Variants in KSR1 observed in about 807,000 individuals in gnomAD.
KSR1 encodes kinase suppressor of ras.
In KSR1, 35 loss-of-function variants were observed where a neutral mutation model predicts 92.9. The observed-to-expected ratio is 0.38, with a 90% CI of 0.29 to 0.50. The LOEUF (loss-of-function observed/expected upper bound fraction) is 0.50. Among genes scored for constraint, KSR1 ranks in the 20% least tolerant of loss-of-function variants. KSR1 has a pLI of 0.94. For synonymous variants in KSR1, 467 were observed against 472.6 expected (o/e 0.99, Z 0.15); for missense variants, 972 against 1,158.5 (o/e 0.84, Z 2.34).
intron 1 of KSR1, among the ~76,000 whole-genome samples, chr17:27,531,665 A>G (rs2070544703): frequency 6.6e-6 from 1 of 152,164 alleles, no homozygotes; most frequent in African/African-American, 2.4e-5. Flanking sequence ...AGCTCCAGAG[A>G]GCACTTCAGC....
intron 1 of KSR1, among the ~76,000 whole-genome samples, chr17:27,463,644 T>C (rs2019551907): frequency 6.6e-6 from 1 of 152,142 alleles, no homozygotes; most frequent in Admixed American, 6.5e-5. Flanking sequence ...CCCCCTGGGC[T>C]GACCAATTAG....
intron 15 of KSR1, among the ~76,000 whole-genome samples, chr17:27,608,311 G>A (rs190773171): frequency 2.4e-4 from 36 of 152,306 alleles, no homozygotes; most frequent in African/African-American, 7.7e-4. Context: ...ACCTTGGGTA[G>A]GTTTAGCCTC....
intron 11 of KSR1, chr17:27,601,992 T>C: frequency 6.6e-7 from 1 of 1,516,910 alleles, no homozygotes; most frequent in Non-Finnish European, 9.0e-7. Context: ...TCTGCAAAAG[T>C]TGTTTTCTAC....
chr17:27,493,420 A>C (rs1035929468), intron 1 of KSR1, among the ~76,000 whole-genome samples: 8 of 152,182 alleles, frequency 5.3e-5, no homozygotes, highest in Admixed American at 5.2e-4. Context: ...TGAATTCTTT[A>C]ACAGGGCAGA....
intron 1 of KSR1, among the ~76,000 whole-genome samples, chr17:27,461,585 C>A (rs2019438403): frequency 6.6e-6 from 1 of 152,352 alleles, no homozygotes; most frequent in African/African-American, 2.4e-5. Context: ...GGGGCTCTGG[C>A]CCTTTTTTGT....
chr17:27,532,236 A>G (rs1249842940), intron 1 of KSR1, among the ~76,000 whole-genome samples: 1 of 152,186 alleles, frequency 6.6e-6, no homozygotes, highest in Non-Finnish European at 1.5e-5. Context: ...GATGGGGCCA[A>G]TTGCAAAGGT....
intron 1 of KSR1, among the ~76,000 whole-genome samples, chr17:27,490,847 G>C (rs1397177170): frequency 6.6e-6 from 1 of 152,124 alleles, no homozygotes; most frequent in African/African-American, 2.4e-5. Context: ...TAAGTACAAG[G>C]TTGTTCATTG....
chr17:27,590,967 C>T (rs2073148111), intron 7 of KSR1, 73 bp downstream of exon 7: 1 of 1,289,366 alleles, frequency 7.8e-7, no homozygotes, highest in African/African-American at 1.5e-5. Flanking sequence ...CTTCCCTATG[C>T]TTGCTATTCA....
rs967820922 is a variant in KSR1 at position 27,620,926 on chromosome 17, T to C, written c.2628-267T>C. ...CCCTTCGAGGAAAGCATGCGGGCTT[T>C]CCTTTCCTGAATGAGTCTGTGTCAA... On this transcript the variant is annotated intron_variant, in intron 19 of 20. Coordinates refer to ENST00000644974, the MANE Select transcript of KSR1 (RefSeq NM_001394583.1). The C allele has an allele frequency of 4.8e-5, 16 of 329,982 alleles. No homozygotes were observed. In the Admixed American group the frequency reaches 7.4e-4, roughly 15 times the overall value. The allele number at this position is 329,982 out of a possible 1,614,324, so 20.4% of individuals were successfully genotyped here.
In KSR1 at chr17:27,610,108, A is replaced by C. The variant is rs777683145; in HGVS notation, c.2267A>C (p.Tyr756Ser). The change falls in exon 17 of 21, where the codon TAT (tyrosine) becomes TCT (serine). Residue 756 changes from tyrosine (Y) to serine (S), a missense_variant. This residue lies in a region of KSR1 where 260 missense variants were observed against 375.2 expected (regional missense o/e 0.69). Coordinates refer to ENST00000644974, the MANE Select transcript of KSR1 (RefSeq NM_001394583.1). ...AAGCTGTCCCACGACTGGCTGTGCT[A>C]TCTGGCCCCTGAGATTGTACGCGAG... ...QLKLSHDWLC[Y>S]LAPEIVREMT... The C allele has an allele frequency of 1.5e-5, 24 of 1,613,846 alleles. No individual in the cohort carries two copies. In the South Asian group the frequency reaches 2.1e-4, roughly 14 times the overall value.
chr17:27,590,761 C>G, intron 6 of KSR1, 50 bp from the exon 7 acceptor site: 1 of 1,540,096 alleles, frequency 6.5e-7, no homozygotes, highest in Non-Finnish European at 8.9e-7. Flanking sequence ...TGTGGCTGGG[C>G]CTTGGCCTCC....
Position 27,604,807 on chromosome 17 carries a change from G to C in KSR1, c.1614+79G>C. On this transcript the variant is annotated intron_variant, in intron 13 of 20. Transcript: ENST00000644974. ...CCATCTCAGAATGCGCAGGGGGCTTGAGGGTGAGTGGGTTCTGGACTTTGG... is the reference window on the plus strand; with the variant it reads ...CCATCTCAGAATGCGCAGGGGGCTTCAGGGTGAGTGGGTTCTGGACTTTGG... 4.2e-6 allele frequency: 6 copies of C among 1,442,208 alleles called. No homozygotes were observed. The South Asian group carries it at 6.8e-5, about 16-fold the overall frequency. 89.3% of individuals were successfully genotyped at this position (1,442,208 alleles called of 1,614,324 possible).
intron 1 of KSR1, 125 bp from the exon 2 acceptor site, chr17:27,550,443 G>T: frequency 1.5e-6 from 1 of 686,562 alleles, no homozygotes; most frequent in Non-Finnish European, 2.7e-6. Flanking sequence ...CAGCAGAGAG[G>T]AGAGCCAGCC....
At chr17:27,520,394 G>A (rs1049093293) in intron 1 of KSR1, among the ~76,000 whole-genome samples, 1 of 152,180 alleles carries the variant, frequency 6.6e-6, no homozygotes, top group African/African-American at 2.4e-5. Context: ...TGCCTGTGGA[G>A]GGGGAGAATT....
intron 1 of KSR1, among the ~76,000 whole-genome samples, chr17:27,519,036 TG>T (rs2069914914): frequency 1.3e-5 from 2 of 152,268 alleles, no homozygotes; most frequent in African/African-American, 4.8e-5. Flanking sequence ...GCTGCAGGCT[TG>T]CTTGATCCTG....
intron 1 of KSR1, among the ~76,000 whole-genome samples, chr17:27,493,214 A>T (rs116532784): frequency 1.4e-3 from 211 of 152,358 alleles, no homozygotes; most frequent in African/African-American, 4.9e-3. Context: ...ATATAAATGA[A>T]GAAAGTGAGG....
chr17:27,547,214 G>A (rs1275148010), intron 1 of KSR1, among the ~76,000 whole-genome samples: 1 of 152,146 alleles, frequency 6.6e-6, no homozygotes, highest in Non-Finnish European at 1.5e-5. Context: ...AGTTTTCTGG[G>A]GGAAATTTCA....
chr17:27,514,660 C>CAAAAAAAAAA (rs1177388900), intron 1 of KSR1, among the ~76,000 whole-genome samples: 1 of 92,626 alleles, frequency 1.1e-5, no homozygotes, highest in Non-Finnish European at 2.4e-5. Context: ...AACTCCATCT[C>CAAAAAAAAAA]AAAAAAAAAA....
intron 3 of KSR1, among the ~76,000 whole-genome samples, chr17:27,581,879 C>T (rs545402511): frequency 4.6e-5 from 7 of 152,292 alleles, no homozygotes; most frequent in Admixed American, 1.3e-4. Flanking sequence ...CACAGTCACT[C>T]GAAGGCTGGT....
Sources: allele counts gnomAD v4.1 joint callset (sites outside exome capture counted in the v4.1 genomes callset), GRCh38; gene constraint gnomAD v4.1.1; regional missense constraint gnomAD v4.1.1; transcripts MANE v1.5; gene names NCBI Gene and HGNC (gene_info 2026-07-23, HGNC 2026-07-21).